Variants in SPADH observed in about 807,000 individuals in gnomAD.
SPADH encodes the protein spermadhesin family member, also known as CUB domain-containing protein.
the SPADH span, chr10:122,676,903 G>A: frequency 3.0e-6 from 3 of 985,148 alleles, no homozygotes; most frequent in South Asian, 4.7e-5. Context: ...TGAGTACTGG[G>A]GTTGTGAGTT....
the SPADH span, chr10:122,676,856 C>T: frequency 1.4e-5 from 14 of 985,252 alleles, no homozygotes; most frequent in Non-Finnish European, 1.7e-5. Context: ...AGTTGAACCC[C>T]GGGGAGATAG....
chr10:122,677,493 G>T, the SPADH span, among the ~76,000 whole-genome samples: 2 of 152,150 alleles, frequency 1.3e-5, no homozygotes, highest in African/African-American at 2.4e-5. Flanking sequence ...TCTGTCTTTG[G>T]ATTGCAGGTA....
At chr10:122,676,209 G>A in the SPADH span, among the ~76,000 whole-genome samples, 1 of 152,346 alleles carries the variant, frequency 6.6e-6, no homozygotes, top group Admixed American at 6.5e-5. Context: ...TTAACCAGTT[G>A]CTGGGCACAA....
the SPADH span, among the ~76,000 whole-genome samples, chr10:122,675,954 C>T: frequency 5.3e-5 from 8 of 152,228 alleles, no homozygotes; most frequent in Admixed American, 3.9e-4. Flanking sequence ...GGAAAGGAGC[C>T]ACCACTCCAC....
the SPADH span, among the ~76,000 whole-genome samples, chr10:122,673,244 G>A: frequency 6.6e-6 from 1 of 152,198 alleles, no homozygotes; most frequent in Non-Finnish European, 1.5e-5. Context: ...TCACCCAGAA[G>A]TGGCTGAGAA....
the SPADH span, among the ~76,000 whole-genome samples, chr10:122,678,602 G>C: frequency 1.3e-5 from 2 of 152,316 alleles, no homozygotes; most frequent in South Asian, 4.1e-4. Flanking sequence ...TGGAAACCAT[G>C]AGACTGGGAA....
At chr10:122,678,259 A>G in the SPADH span, among the ~76,000 whole-genome samples, 1 of 152,222 alleles carries the variant, frequency 6.6e-6, no homozygotes, top group African/African-American at 2.4e-5. Flanking sequence ...TAGGACTGAG[A>G]ACTTCCATGT....
At chr10:122,679,069 G>T in the SPADH span, 1 of 959,312 alleles carries the variant, frequency 1.0e-6, no homozygotes, top group Non-Finnish European at 1.2e-6. Flanking sequence ...GGGGGAAGAG[G>T]CACCTGCTGA....
At chr10:122,676,752 G>T in the SPADH span, 1 of 985,246 alleles carries the variant, frequency 1.0e-6, no homozygotes, top group Non-Finnish European at 1.2e-6. Flanking sequence ...TTCTCCTCTT[G>T]TAGCACCCAG....
the SPADH span, chr10:122,676,810 A>G: frequency 1.0e-6 from 1 of 985,330 alleles, no homozygotes; most frequent in African/African-American, 1.7e-5. Context: ...ATCTTCAACT[A>G]CGCTGGGCCG....
the SPADH span, chr10:122,675,795 T>C: frequency 8.9e-6 from 2 of 225,660 alleles, no homozygotes; most frequent in Non-Finnish European, 1.5e-5. Context: ...CCAAAAGGAC[T>C]TGGTAATTGG....
chr10:122,675,096 T>C, the SPADH span, among the ~76,000 whole-genome samples: 1 of 152,222 alleles, frequency 6.6e-6, no homozygotes, highest in Non-Finnish European at 1.5e-5. Context: ...GGCTCACTTC[T>C]ACTCACTTAA....
At chr10:122,675,479 G>A in the SPADH span, among the ~76,000 whole-genome samples, 1 of 152,168 alleles carries the variant, frequency 6.6e-6, no homozygotes, top group Non-Finnish European at 1.5e-5. Flanking sequence ...TGGGGACAGT[G>A]ACGCCATCTC....
At chr10:122,675,545 C>T in the SPADH span, 1 of 333,956 alleles carries the variant, frequency 3.0e-6, no homozygotes, top group Non-Finnish European at 4.3e-6. Flanking sequence ...TGCACTCAAG[C>T]TCCTCTTCAC....
At chr10:122,673,663 C>A in the SPADH span, among the ~76,000 whole-genome samples, 1 of 152,338 alleles carries the variant, frequency 6.6e-6, no homozygotes, top group Admixed American at 6.5e-5. Flanking sequence ...CTGTTTCCCT[C>A]ATTCTCCCCA....
the SPADH span, chr10:122,678,858 G>A: frequency 1.0e-6 from 1 of 983,686 alleles, no homozygotes. Context: ...GGATTCGCAT[G>A]TGGCAAAGAA....
chr10:122,677,062 A>G, the SPADH span, among the ~76,000 whole-genome samples: 1 of 152,150 alleles, frequency 6.6e-6, no homozygotes. Context: ...GTTTTCTCCA[A>G]ATAAAGTTGA....
chr10:122,679,305 C>T, the SPADH span, among the ~76,000 whole-genome samples: 1 of 152,084 alleles, frequency 6.6e-6, no homozygotes, highest in African/African-American at 2.4e-5. Flanking sequence ...TTTATCTTTC[C>T]TGTCTTCTTG....
the SPADH span, among the ~76,000 whole-genome samples, chr10:122,676,267 G>T: frequency 6.6e-6 from 1 of 152,212 alleles, no homozygotes; most frequent in African/African-American, 2.4e-5. Flanking sequence ...CAAGGAAAGT[G>T]CTCTTTTCAT....
Sources: gnomAD v4.1 joint callset for allele counts (sites outside exome capture counted in the v4.1 genomes callset) on GRCh38, gnomAD v4.1.1 for gene constraint, MANE v1.5 for transcripts, NCBI Gene and HGNC (gene_info 2026-07-23, HGNC 2026-07-21) for gene names.